The following FAM200C variants were observed in gnomAD, a reference collection of about 807,000 sequenced individuals.
At chr5:160,394,574 G>A in the FAM200C span, 10 of 1,614,014 alleles carry the variant, frequency 6.2e-6, no homozygotes, top group Non-Finnish European at 8.5e-6. Context: ...GCGATGATTT[G>A]GAGCTCTCCC....
the FAM200C span, chr5:160,395,082 G>A: frequency 1.2e-6 from 2 of 1,614,096 alleles, no homozygotes; most frequent in Non-Finnish European, 1.7e-6. Flanking sequence ...GGTACCTGCT[G>A]AAGCTTTTTT....
At chr5:160,399,765 A>T in the FAM200C span, 1 of 148,444 alleles carries the variant, frequency 6.7e-6, no homozygotes, top group Non-Finnish European at 1.5e-5. Flanking sequence ...GTGAGATAAG[A>T]ACGCCAGCTG....
At chr5:160,393,952 A>C in the FAM200C span, 1 of 1,614,004 alleles carries the variant, frequency 6.2e-7, no homozygotes. Context: ...AGAAATCCTC[A>C]AGCTTCATTG....
chr5:160,398,408 T>C, the FAM200C span, among the ~76,000 whole-genome samples: 4 of 151,990 alleles, frequency 2.6e-5, no homozygotes, highest in Admixed American at 2.0e-4. Context: ...AAATTAGCTG[T>C]GCATGGTGAT....
chr5:160,394,300 G>A, the FAM200C span: 115 of 1,613,684 alleles, frequency 7.1e-5, no homozygotes, highest in Non-Finnish European at 9.2e-5. Flanking sequence ...CTGATACTGT[G>A]TTCATCCCAG....
At chr5:160,395,076 CCTG>C in the FAM200C span, 9 of 1,613,898 alleles carry the variant, frequency 5.6e-6, no homozygotes, top group Non-Finnish European at 7.6e-6. Flanking sequence ...GATAAGGGTA[CCTG>C]CTGAAGCTTT....
At chr5:160,394,357 T>C in the FAM200C span, 1 of 1,613,926 alleles carries the variant, frequency 6.2e-7, no homozygotes, top group Admixed American at 1.7e-5. Context: ...TGAATAAATC[T>C]GCAAGGTATG....
chr5:160,399,974 G>A, the FAM200C span: 2 of 152,296 alleles, frequency 1.3e-5, no homozygotes, highest in Non-Finnish European at 2.9e-5. Context: ...CCCCCGGGCA[G>A]GAATCTGCGG....
the FAM200C span, chr5:160,393,869 G>C: frequency 6.2e-7 from 1 of 1,614,126 alleles, no homozygotes; most frequent in Non-Finnish European, 8.5e-7. Flanking sequence ...ACAAAGGTAT[G>C]TAGTTGCAAA....
the FAM200C span, chr5:160,394,602 C>A: frequency 4.3e-6 from 7 of 1,614,124 alleles, no homozygotes; most frequent in South Asian, 3.3e-5. Flanking sequence ...AAATTTATTA[C>A]CCTCACCACA....
chr5:160,394,864 T>C, the FAM200C span: 7 of 1,613,072 alleles, frequency 4.3e-6, no homozygotes, highest in Non-Finnish European at 5.9e-6. Flanking sequence ...ATAGCTGCAA[T>C]GGTTCACAGA....
At chr5:160,399,695 C>G in the FAM200C span, 1 of 152,006 alleles carries the variant, frequency 6.6e-6, no homozygotes, top group African/African-American at 2.4e-5. Context: ...ACAAGCAGCT[C>G]TTAACTGATA....
the FAM200C span, chr5:160,395,476 G>C: frequency 6.2e-7 from 1 of 1,613,748 alleles, no homozygotes; most frequent in Non-Finnish European, 8.5e-7. Context: ...CATCCCATTT[G>C]CGTTTCTTCG....
chr5:160,396,392 G>C, the FAM200C span, among the ~76,000 whole-genome samples: 1 of 152,078 alleles, frequency 6.6e-6, no homozygotes, highest in Admixed American at 6.6e-5. Flanking sequence ...GCTACAAATT[G>C]GCTCAGAGCT....
the FAM200C span, chr5:160,395,139 G>T: frequency 6.2e-7 from 1 of 1,613,936 alleles, no homozygotes; most frequent in South Asian, 1.1e-5. Context: ...AGTGCACAAG[G>T]TTTCACTAAC....
the FAM200C span, chr5:160,393,873 T>C: frequency 2.5e-6 from 4 of 1,614,128 alleles, no homozygotes; most frequent in South Asian, 1.1e-5. Flanking sequence ...AGGTATGTAG[T>C]TGCAAATGGC....
chr5:160,394,451 T>A, the FAM200C span: 7 of 1,613,880 alleles, frequency 4.3e-6, no homozygotes, highest in Admixed American at 1.0e-4. Context: ...TATTTCTTCA[T>A]ACATTTCAAA....
chr5:160,399,724 G>T, the FAM200C span: 1 of 151,826 alleles, frequency 6.6e-6, no homozygotes, highest in Non-Finnish European at 1.5e-5. Context: ...TGGTGTTACT[G>T]TTAAGGACGG....
the FAM200C span, chr5:160,393,851 C>A: frequency 6.2e-7 from 1 of 1,613,836 alleles, no homozygotes; most frequent in East Asian, 2.2e-5. Context: ...TGATGAAAAT[C>A]CCAACTCACA....
Sources: gnomAD v4.1 joint callset for allele counts (sites outside exome capture counted in the v4.1 genomes callset) on GRCh38, gnomAD v4.1.1 for gene constraint, MANE v1.5 for transcripts.